Variants in PFKFB3 observed in about 807,000 individuals in gnomAD.
PFKFB3 encodes 6-phosphofructo-2-kinase/fructose-2,6-bisphosphatase 3.
PFKFB3 carries 33 observed loss-of-function variants against 68.0 expected under a neutral mutation model. The ratio of observed to expected loss-of-function variants is 0.49; its 90% CI spans 0.37 to 0.65. PFKFB3 has a LOEUF of 0.65. PFKFB3 is among the 30% of genes least tolerant of loss of function. The pLI, the probability that PFKFB3 is intolerant of heterozygous loss-of-function variation, is 0.00. For synonymous variants in PFKFB3, 315 were observed against 288.2 expected (o/e 1.09, Z -0.94); for missense variants, 586 against 712.2 (o/e 0.82, Z 2.02).
downstream of PFKFB3, among the ~76,000 whole-genome samples, chr10:6,239,832 C>T (rs1427036646): frequency 6.6e-6 from 1 of 152,148 alleles, no homozygotes; most frequent in African/African-American, 2.4e-5. Context: ...CGCCACCACG[C>T]CTGGCTAATG....
the PFKFB3 span, among the ~76,000 whole-genome samples, chr10:6,275,497 A>T: frequency 1.3e-5 from 2 of 152,342 alleles, no homozygotes; most frequent in East Asian, 3.9e-4. The surrounding 1 kb of genome is among the most constrained non-coding windows in gnomAD (Gnocchi z 4.9). Context: ...ACTCACCGCC[A>T]TCACCCAGGC....
At chr10:6,323,189 T>C in the PFKFB3 span, among the ~76,000 whole-genome samples, 1 of 152,162 alleles carries the variant, frequency 6.6e-6, no homozygotes, top group African/African-American at 2.4e-5. Context: ...ATATCAGAGA[T>C]TTACTATGGG....
intron 14 of PFKFB3, among the ~76,000 whole-genome samples, chr10:6,248,706 G>C (rs1280119569): frequency 6.7e-6 from 1 of 148,760 alleles, no homozygotes; most frequent in African/African-American, 2.5e-5. Context: ...ATGGCCAACA[G>C]ATATATAAAA....
intron 14 of PFKFB3, among the ~76,000 whole-genome samples, chr10:6,231,802 A>AGGCACCTATCACCTCCTGGCG (rs1845763377): frequency 6.6e-6 from 1 of 150,908 alleles, no homozygotes; most frequent in Non-Finnish European, 1.5e-5. Context: ...ATCCCCTGGC[A>AGGCACCTATCACCTCCTGGCG]GGCACCTATC....
chr10:6,276,349 G>A, the PFKFB3 span, among the ~76,000 whole-genome samples: 1 of 151,822 alleles, frequency 6.6e-6, no homozygotes, highest in East Asian at 1.9e-4. Flanking sequence ...GTATGAAAGT[G>A]GAAAATGTGT....
upstream of PFKFB3, among the ~76,000 whole-genome samples, chr10:6,200,256 T>C (rs750464977): frequency 1.1e-4 from 17 of 152,040 alleles, no homozygotes; most frequent in Admixed American, 7.9e-4. Flanking sequence ...TTGGTGTTAT[T>C]GTAGCTGTAA....
intron 14 of PFKFB3, among the ~76,000 whole-genome samples, chr10:6,241,293 G>T (rs762245029): frequency 1.3e-5 from 2 of 152,200 alleles, no homozygotes; most frequent in Non-Finnish European, 2.9e-5. Context: ...TCCCACCGAG[G>T]TGAAGCGCCC....
chr10:6,191,172 G>A (rs1014555726), intron 1 of PFKFB3, among the ~76,000 whole-genome samples: 4 of 152,166 alleles, frequency 2.6e-5, no homozygotes, highest in African/African-American at 4.8e-5. Flanking sequence ...TCAAGTGGCC[G>A]AACACCGAAG....
the PFKFB3 span, among the ~76,000 whole-genome samples, chr10:6,283,639 A>G: frequency 6.6e-6 from 1 of 151,572 alleles, no homozygotes; most frequent in Non-Finnish European, 1.5e-5. Context: ...GAGGAGCTGT[A>G]GCCATATCAG....
chr10:6,217,182 C>T lies in PFKFB3; in HGVS notation c.489C>T (p.Ser163=). 1 of 1,614,048 alleles carries T rather than the reference C, an allele frequency of 6.2e-7. No individual in the cohort carries two copies. The highest frequency in any genetic ancestry group is 1.1e-5 in the South Asian group (1 of 91,086). Residue 163 remains serine (S), a synonymous_variant, in exon 6 of 15, where the codon TCC becomes TCT. Coordinates refer to ENST00000379775, the MANE Select transcript of PFKFB3 (RefSeq NM_004566.4). The stretch of plus-strand genomic sequence containing the variant: ...GCGACGACCCTACAGTTGTGGCCTC[C>T]AATATCATGGTAAGACAGCCGGGAG... ...SVCDDPTVVA[S]NIMEVKISSP... is the part of the protein sequence containing the mutation.
At chr10:6,305,154 C>A in the PFKFB3 span, among the ~76,000 whole-genome samples, 2 of 136,118 alleles carry the variant, frequency 1.5e-5, no homozygotes, top group African/African-American at 5.5e-5. Context: ...GAGCCACCAT[C>A]TCTTACTATT....
chr10:6,250,426 C>A (rs1028267768), intron 14 of PFKFB3, among the ~76,000 whole-genome samples: 2 of 152,044 alleles, frequency 1.3e-5, no homozygotes, highest in African/African-American at 4.8e-5. Context: ...AAAAAATTAG[C>A]CGGGCATGGT....
intron 14 of PFKFB3, among the ~76,000 whole-genome samples, chr10:6,245,519 G>A (rs7906178): frequency 0.19 from 29,348 of 151,380 alleles, 4,027 homozygotes; most frequent in African/African-American, 0.39. Flanking sequence ...TAGGTTCAAG[G>A]GATCCTCCGT....
At chr10:6,291,714 G>A in the PFKFB3 span, among the ~76,000 whole-genome samples, 1 of 152,124 alleles carries the variant, frequency 6.6e-6, no homozygotes, top group Non-Finnish European at 1.5e-5. Context: ...AGCTCGTTAA[G>A]TATCATTAAA....
chr10:6,281,180 T>TATATATATATATATAG, the PFKFB3 span, among the ~76,000 whole-genome samples: 1 of 133,372 alleles, frequency 7.5e-6, no homozygotes, highest in Non-Finnish European at 1.7e-5. Context: ...TATATATATA[T>TATATATATATATATAG]ATACACCACA....
At chr10:6,232,870 C>T (rs1030796016) in intron 14 of PFKFB3, 25 bp from the exon 15 acceptor site, 1 of 1,603,990 alleles carries the variant, frequency 6.2e-7, no homozygotes, top group Non-Finnish European at 8.5e-7. Flanking sequence ...ACTCCCTCCC[C>T]ACCTCTCTTT....
intron 1 of PFKFB3, among the ~76,000 whole-genome samples, chr10:6,179,045 A>G (rs981181638): frequency 6.6e-6 from 1 of 152,242 alleles, no homozygotes; most frequent in East Asian, 1.9e-4. Flanking sequence ...AATGAAAGGC[A>G]ATGTGTTCAA....
At position 6,219,712 on chromosome 10, in the gene PFKFB3, C is replaced by T. The variant is rs148899428; in HGVS notation, c.623+19C>T. Reference sequence around the variant, plus strand: ...GCGACAGGTGATTCCCGTGGCTGGCCGTCTCTGCAAGACCCACATGAGGGT... The same window carrying T: ...GCGACAGGTGATTCCCGTGGCTGGCTGTCTCTGCAAGACCCACATGAGGGT... On this transcript the variant is annotated intron_variant, in intron 7 of 14. Coordinates refer to ENST00000379775, the MANE Select transcript of PFKFB3 (RefSeq NM_004566.4). The T allele has an allele frequency of 3.4e-4, 541 of 1,611,986 alleles. No homozygotes were observed. In the African/African-American group the frequency reaches 5.7e-3, roughly 17 times the overall value.
rs752175604 is a variant in PFKFB3, at chr10:6,223,005, C to T, written c.1213+21C>T. 2.2e-5 allele frequency: 36 copies of T among 1,606,730 alleles called. No individual in the cohort carries two copies. In the Admixed American group the frequency reaches 5.0e-4, roughly 22 times the overall value. On this transcript the variant is annotated intron_variant, in intron 11 of 14. Transcript: ENST00000379775. Reference sequence around the variant, plus strand: ...TGCAGGTACCTCGGGCAGGTCGTGGCCCCGGGATGGAGGGAGGAGGGGACT... The same window carrying T: ...TGCAGGTACCTCGGGCAGGTCGTGGTCCCGGGATGGAGGGAGGAGGGGACT...
Sources: allele counts gnomAD v4.1 joint callset (sites outside exome capture counted in the v4.1 genomes callset), GRCh38; gene constraint gnomAD v4.1.1; non-coding constraint Gnocchi (gnomAD v3.1); transcripts MANE v1.5; gene names NCBI Gene and HGNC (gene_info 2026-07-23, HGNC 2026-07-21).